Variants in ADAMTS20 observed in about 807,000 individuals in gnomAD.
The protein encoded by ADAMTS20 is ADAM metallopeptidase with thrombospondin type 1 motif 20.
In ADAMTS20, 225 loss-of-function variants were observed where a neutral mutation model predicts 260.1. The ratio of observed to expected loss-of-function variants is 0.87; its 90% CI spans 0.78 to 0.97. The LOEUF (loss-of-function observed/expected upper bound fraction) is 0.97. Among genes scored for constraint, ADAMTS20 ranks in the 50% least tolerant of loss-of-function variants. The pLI is 0.00. For synonymous variants in ADAMTS20, 802 were observed against 769.5 expected, an observed-to-expected ratio of 1.04 and a Z score of -0.70; for missense variants, 2,400 against 2,337.7, an observed-to-expected ratio of 1.03 and a Z score of -0.55.
intron 29 of ADAMTS20, among the ~76,000 whole-genome samples, chr12:43,396,436 G>A (rs1940704898): frequency 6.6e-6 from 1 of 152,026 alleles, no homozygotes; most frequent in African/African-American, 2.4e-5. Flanking sequence ...CTGAAATTAC[G>A]CTTCTGTTTA....
chr12:43,368,035 C>A (rs368141305), intron 37 of ADAMTS20, among the ~76,000 whole-genome samples: 1 of 152,012 alleles, frequency 6.6e-6, no homozygotes. Flanking sequence ...ATGTAAAGAT[C>A]GTTACCATTG....
Position 43,427,474 on chromosome 12 carries a change from C to A in ADAMTS20, c.3946-5G>T. ...TCCAGAACAACTGCTGGAGCACTGACAAGAATAAAACACAAAATATGCACA... is the reference window on the plus strand; with the variant it reads ...TCCAGAACAACTGCTGGAGCACTGAAAAGAATAAAACACAAAATATGCACA... On this transcript the variant is annotated splice_polypyrimidine_tract_variant and splice_region_variant and intron_variant, in intron 26 of 38. Coordinates refer to ENST00000389420, the MANE Select transcript of ADAMTS20 (RefSeq NM_025003.5). 1 of 1,598,500 alleles carries A rather than the reference C, an allele frequency of 6.3e-7. No individual in the cohort carries two copies.
At chr12:43,527,856 A>AT (rs1555141302) in intron 3 of ADAMTS20, among the ~76,000 whole-genome samples, 1 of 152,170 alleles carries the variant, frequency 6.6e-6, no homozygotes, top group Non-Finnish European at 1.5e-5. Flanking sequence ...GGCAAGAGAA[A>AT]GAAATAAAGG....
chr12:43,369,485 A>AC, intron 36 of ADAMTS20, 104 bp from the exon 37 acceptor site: 10 of 437,890 alleles, frequency 2.3e-5, no homozygotes, highest in Non-Finnish European at 2.9e-5. Context: ...ATACATATTT[A>AC]TATATTAATT....
At chr12:43,452,223 C>A in intron 14 of ADAMTS20, 51 bp downstream of exon 14, 1 of 1,516,274 alleles carries the variant, frequency 6.6e-7, no homozygotes, top group Non-Finnish European at 8.8e-7. Flanking sequence ...CGAAAAAAAA[C>A]ATTATTCTTA....
Position 43,466,665 on chromosome 12 carries a change from TA to T in ADAMTS20, c.1353del (p.Thr452LeufsTer4). On this transcript the variant is annotated frameshift_variant, in exon 9 of 39. Transcript: ENST00000389420. LOFTEE classifies it high-confidence loss of function. Reference protein sequence around the residue: ...WSWSNCSRKYVTEFLDTGYGE... With the variant: ...WSWSNCSRKYXTEFLDTGYGE... ...AAATTTACTTACTCTAGGAATTCAG[TA>T]ACATATTTCCGACTACAGTTTGACC... The T allele has an allele frequency of 6.2e-7, 1 of 1,607,588 alleles. No homozygotes were observed.
intron 28 of ADAMTS20, among the ~76,000 whole-genome samples, chr12:43,415,370 C>G (rs1213897228): frequency 6.6e-6 from 1 of 152,048 alleles, no homozygotes; most frequent in Admixed American, 6.6e-5. Context: ...AAAAAAAAAG[C>G]AACTCCAGTC....
intron 28 of ADAMTS20, among the ~76,000 whole-genome samples, chr12:43,414,620 C>T (rs529199504): frequency 1.3e-5 from 2 of 152,160 alleles, no homozygotes; most frequent in African/African-American, 2.4e-5. Context: ...ATGCAAACTA[C>T]AACCACAAAG....
chr12:43,474,351 T>C (rs564615773), intron 7 of ADAMTS20, among the ~76,000 whole-genome samples: 1 of 148,708 alleles, frequency 6.7e-6, no homozygotes, highest in African/African-American at 2.5e-5. Flanking sequence ...TAATCAATAG[T>C]TTACCAACCA....
At chr12:43,437,958 A>C (rs569554651) in intron 18 of ADAMTS20, among the ~76,000 whole-genome samples, 44 of 152,334 alleles carry the variant, frequency 2.9e-4, no homozygotes, top group African/African-American at 1.1e-3. Context: ...GACAATATTA[A>C]GACAAAATGT....
chr12:43,418,458 C>T (rs530239353), intron 28 of ADAMTS20, among the ~76,000 whole-genome samples: 35 of 151,946 alleles, frequency 2.3e-4, no homozygotes, highest in Non-Finnish European at 4.6e-4. Flanking sequence ...TACAGGCACG[C>T]GCCACCACGC....
intron 2 of ADAMTS20, among the ~76,000 whole-genome samples, chr12:43,544,129 A>G (rs1369860375): frequency 6.6e-6 from 1 of 152,210 alleles, no homozygotes; most frequent in Non-Finnish European, 1.5e-5. Context: ...AATTACAATA[A>G]TTGCAACAGA....
intron 2 of ADAMTS20, among the ~76,000 whole-genome samples, chr12:43,534,750 C>T (rs1943271023): frequency 6.6e-6 from 1 of 152,148 alleles, no homozygotes; most frequent in Non-Finnish European, 1.5e-5. Flanking sequence ...GTATACTTCA[C>T]TACTATTGCA....
intron 28 of ADAMTS20, among the ~76,000 whole-genome samples, 160 bp from the exon 29 acceptor site, chr12:43,399,393 A>T (rs1337952605): frequency 1.3e-5 from 2 of 152,208 alleles, no homozygotes; most frequent in Admixed American, 1.3e-4. Context: ...AAAAGTTACC[A>T]ATCTGCTCTG....
intron 29 of ADAMTS20, among the ~76,000 whole-genome samples, chr12:43,392,443 C>A (rs916507788): frequency 6.6e-6 from 1 of 151,936 alleles, no homozygotes. Flanking sequence ...TTTAAAAATC[C>A]ACTAAGAGAG....
chr12:43,427,832 T>C (rs1020761379), intron 26 of ADAMTS20, among the ~76,000 whole-genome samples: 4 of 152,244 alleles, frequency 2.6e-5, no homozygotes, highest in Admixed American at 6.5e-5. Flanking sequence ...TTTTGTATTA[T>C]GAATGTTATG....
At chr12:43,547,224 C>A (rs1592119470) in intron 2 of ADAMTS20, among the ~76,000 whole-genome samples, 1 of 152,050 alleles carries the variant, frequency 6.6e-6, no homozygotes, top group Non-Finnish European at 1.5e-5. Flanking sequence ...GTTTTTCATT[C>A]TTTTTCTCTA....
At chr12:43,448,413 G>A (rs1941801777) in intron 14 of ADAMTS20, among the ~76,000 whole-genome samples, 1 of 152,118 alleles carries the variant, frequency 6.6e-6, no homozygotes, top group Admixed American at 6.5e-5. Context: ...TTCAATAAAT[G>A]GTGCTGGGAT....
At chr12:43,388,214 G>C (rs1940523488) in intron 29 of ADAMTS20, among the ~76,000 whole-genome samples, 1 of 152,178 alleles carries the variant, frequency 6.6e-6, no homozygotes, top group Non-Finnish European at 1.5e-5. Context: ...GAAAAGCATA[G>C]TATCCGGGCC....
Sources: gnomAD v4.1 joint callset for allele counts (sites outside exome capture counted in the v4.1 genomes callset) on GRCh38, gnomAD v4.1.1 for gene constraint, MANE v1.5 for transcripts, NCBI Gene and HGNC (gene_info 2026-07-23, HGNC 2026-07-21) for gene names.